The following MYO9A variants were observed in gnomAD, a reference collection of about 807,000 sequenced individuals.
The protein encoded by MYO9A is myosin IXA, also known as unconventional myosin-IXa.
MYO9A carries 103 observed loss-of-function variants against 293.3 expected under a neutral mutation model. The ratio of observed to expected loss-of-function variants is 0.35; its 90% CI spans 0.30 to 0.41. The LOEUF (loss-of-function observed/expected upper bound fraction) is 0.41. Among genes scored for constraint, MYO9A ranks in the 10% least tolerant of loss-of-function variants. The pLI is 1.00. For synonymous variants in MYO9A, 1,001 were observed against 1,035.7 expected (o/e 0.97, Z 0.64); for missense variants, 2,685 against 3,033.0 (o/e 0.89, Z 2.69).
rs3028363 is a variant in MYO9A at position 72,108,762 on chromosome 15, A to ATTTTTTTTT, written c.-72+8909_-72+8917dup. Among the ~76,000 whole-genome samples, 13 of 139,242 alleles carry ATTTTTTTTT rather than the reference A, an allele frequency of 9.3e-5. 6 individuals are homozygous for ATTTTTTTTT. The highest frequency in any genetic ancestry group is 2.1e-4 in the East Asian group (1 of 4,720). The allele number at this position is 139,242 out of a possible 152,430, so 91.3% of individuals were successfully genotyped here. On this transcript the variant is annotated intron_variant, in intron 1 of 41. Transcript: ENST00000356056. Reference sequence around the variant, plus strand: ...GCAGTAAACTTGTCATGACACATACATTTTTTTTTTTTTTTTTGAGACAGA... The same window carrying ATTTTTTTTT: ...GCAGTAAACTTGTCATGACACATACATTTTTTTTTTTTTTTTTTTTTTTTTTGAGACAGA...
intron 1 of MYO9A, among the ~76,000 whole-genome samples, chr15:72,103,578 A>AAGCAGAAGC (rs1011238495): frequency 6.6e-6 from 1 of 151,936 alleles, no homozygotes; most frequent in African/African-American, 2.4e-5. Context: ...GAAGCAGTGG[A>AAGCAGAAGC]AGCAGAAGCA....
chr15:72,050,300 G>T (rs145225327), intron 1 of MYO9A, among the ~76,000 whole-genome samples: 2,356 of 152,122 alleles, frequency 0.015, 31 homozygotes, highest in South Asian at 0.029. Flanking sequence ...AAATCATCTG[G>T]GGAGCTTTTT....
intron 30 of MYO9A, among the ~76,000 whole-genome samples, chr15:71,879,350 T>A (rs79833758): frequency 1.4e-4 from 21 of 152,256 alleles, no homozygotes; most frequent in Non-Finnish European, 2.6e-4. Context: ...AAACATATAA[T>A]GCATTCCTCA....
At position 72,027,777 on chromosome 15, in the gene MYO9A, AT is replaced by A; in HGVS notation, c.951del (p.Lys317AsnfsTer51). 6.2e-7 allele frequency: 1 copy of A among 1,608,108 alleles called. No individual in the cohort carries two copies. The highest frequency in any genetic ancestry group is 1.1e-5 in the South Asian group (1 of 89,862). On this transcript the variant is annotated frameshift_variant, in exon 4 of 42. Transcript: ENST00000356056. LOFTEE classifies it high-confidence loss of function. The part of the protein sequence containing the change: ...TGTVLGAYVE[K>X]YLLEKSRLVY... ...ACGAGTCTGGACTTCTCCAGTAGAT[AT>A]TTTTCAACATAGGCACTACAAGAAA...
chr15:71,879,917 C>T, intron 29 of MYO9A, 80 bp from the exon 30 acceptor site: 1 of 966,038 alleles, frequency 1.0e-6, no homozygotes, highest in Non-Finnish European at 1.6e-6. Context: ...TGTATTGTTG[C>T]TTCCACAATG....
At chr15:72,048,631 T>C (rs188166047) in intron 1 of MYO9A, among the ~76,000 whole-genome samples, 74 of 152,278 alleles carry the variant, frequency 4.9e-4, no homozygotes, top group Middle Eastern at 3.4e-3. Flanking sequence ...ATTACTACAG[T>C]CCTATAATAA....
rs75958521 is a variant in MYO9A, at chr15:71,993,144, T to C, written c.1587+1325A>G. 7.9e-5 allele frequency among the ~76,000 whole-genome samples: 12 copies of C among 151,092 alleles called. No homozygotes were observed. The South Asian group carries it at 2.5e-3, about 32-fold the overall frequency. Reference sequence around the variant, plus strand: ...GAAGGGCAGGTCACTTGAGGTCAGGTGTTCGAGACCAGCCTGGCCAACATG... The same window carrying C: ...GAAGGGCAGGTCACTTGAGGTCAGGCGTTCGAGACCAGCCTGGCCAACATG... On this transcript the variant is annotated intron_variant, in intron 10 of 41. Coordinates refer to ENST00000356056, the MANE Select transcript of MYO9A (RefSeq NM_006901.4).
intron 12 of MYO9A, among the ~76,000 whole-genome samples, chr15:71,977,742 T>C (rs1396484468): frequency 6.6e-6 from 1 of 151,024 alleles, no homozygotes; most frequent in Non-Finnish European, 1.5e-5. Context: ...CACACAGATA[T>C]AAAAAAAAAT....
intron 21 of MYO9A, among the ~76,000 whole-genome samples, chr15:71,903,662 A>G (rs1475575562): frequency 6.6e-6 from 1 of 152,264 alleles, no homozygotes; most frequent in African/African-American, 2.4e-5. Context: ...AAGAATTGTT[A>G]TATCAGGAGT....
chr15:72,032,461 C>A, intron 3 of MYO9A, 33 bp downstream of exon 3: 1 of 1,374,934 alleles, frequency 7.3e-7, no homozygotes, highest in Non-Finnish European at 9.9e-7. Flanking sequence ...AAACATGCTC[C>A]AAAGCCTACG....
At chr15:72,018,712 G>T (rs2077412254) in intron 6 of MYO9A, among the ~76,000 whole-genome samples, 1 of 151,690 alleles carries the variant, frequency 6.6e-6, no homozygotes, top group South Asian at 2.1e-4. Context: ...AATAAAAGGG[G>T]AAAAAAACCA....
At chr15:72,112,444 A>G (rs1466613339) in intron 1 of MYO9A, among the ~76,000 whole-genome samples, 1 of 152,064 alleles carries the variant, frequency 6.6e-6, no homozygotes, top group African/African-American at 2.4e-5. Context: ...CATATTTACC[A>G]CTCATAATTC....
intron 1 of MYO9A, among the ~76,000 whole-genome samples, chr15:72,070,346 C>T (rs553996088): frequency 2.7e-5 from 4 of 150,672 alleles, no homozygotes; most frequent in South Asian, 2.1e-4. Flanking sequence ...CCCAGCTACT[C>T]GGGAGGCTGA....
At chr15:72,090,659 G>T (rs1297544078) in intron 1 of MYO9A, among the ~76,000 whole-genome samples, 1 of 152,124 alleles carries the variant, frequency 6.6e-6, no homozygotes, top group Non-Finnish European at 1.5e-5. Flanking sequence ...AGACTCTGGG[G>T]TTTTTTGCAA....
chr15:72,066,959 A>C (rs1302336426), intron 1 of MYO9A, among the ~76,000 whole-genome samples: 3 of 151,276 alleles, frequency 2.0e-5, no homozygotes, highest in Non-Finnish European at 4.4e-5. Flanking sequence ...GGTTATTTGA[A>C]GTTAAACTGG....
rs982029010 is a variant in MYO9A at position 72,085,839 on chromosome 15, T to C, written c.-72+31841A>G. 3.3e-5 allele frequency among the ~76,000 whole-genome samples: 5 copies of C among 152,194 alleles called. No homozygotes were observed. In the East Asian group the frequency reaches 7.7e-4, roughly 23 times the overall value. ...CACCCTATTTGATGACCTTGAGGGT[T>C]TGATTGTGGTATATAAGGTGGGTTC... On this transcript the variant is annotated intron_variant, in intron 1 of 41. Coordinates refer to ENST00000356056, the MANE Select transcript of MYO9A (RefSeq NM_006901.4).
chr15:71,985,272 GTC>G (rs2076381418), intron 11 of MYO9A, among the ~76,000 whole-genome samples: 1 of 151,980 alleles, frequency 6.6e-6, no homozygotes, highest in African/African-American at 2.4e-5. Flanking sequence ...ATGTCTTTAT[GTC>G]TCTGTCTGTC....
intron 5 of MYO9A, among the ~76,000 whole-genome samples, chr15:72,020,614 A>G (rs139682457): frequency 5.0e-4 from 76 of 152,344 alleles, no homozygotes; most frequent in African/African-American, 1.8e-3. Flanking sequence ...AAGGTAAATC[A>G]CTTTAGTAAA....
At chr15:71,906,758 C>CTTTTTTTT (rs71131714) in intron 19 of MYO9A, among the ~76,000 whole-genome samples, 2 of 61,010 alleles carry the variant, frequency 3.3e-5, no homozygotes, top group Admixed American at 2.2e-4. Context: ...CCATTTCTTT[C>CTTTTTTTT]TTTTTTTTTT....
Sources: allele counts gnomAD v4.1 joint callset (sites outside exome capture counted in the v4.1 genomes callset), GRCh38; gene constraint gnomAD v4.1.1; transcripts MANE v1.5; gene names NCBI Gene and HGNC (gene_info 2026-07-23, HGNC 2026-07-21).